Variants in ZC3H13 observed in about 807,000 individuals in gnomAD.
ZC3H13 encodes the protein zinc finger CCCH-type containing 13, also known as zinc finger CCCH domain-containing protein 13.
A neutral mutation model predicts 204.1 loss-of-function variants in ZC3H13; 64 were observed. That is an observed-to-expected ratio of 0.31 (90% CI 0.26 to 0.39). The LOEUF (loss-of-function observed/expected upper bound fraction) is 0.39. Among genes scored for constraint, ZC3H13 ranks in the 10% least tolerant of loss-of-function variants. ZC3H13 has a pLI of 1.00. For missense variants in ZC3H13, 1,833 were observed against 2,082.7 expected, an observed-to-expected ratio of 0.88 and a Z score of 2.33; for synonymous variants, 667 against 693.7, an observed-to-expected ratio of 0.96 and a Z score of 0.60.
At chr13:46,024,643 C>A (rs900697393) in intron 4 of ZC3H13, among the ~76,000 whole-genome samples, 6 of 151,874 alleles carry the variant, frequency 4.0e-5, no homozygotes, top group Non-Finnish European at 8.8e-5. Context: ...TCATGTACTG[C>A]ACATCTCGTA....
Position 45,989,004 on chromosome 13 carries a change from A to G in ZC3H13, c.1038T>C (p.Ser346=). The G allele has an allele frequency of 1.2e-6, 2 of 1,614,116 alleles. No homozygotes were observed. Among genetic ancestry groups the G allele is most frequent in the Non-Finnish European group, 1.7e-6 (2 of 1,180,008 alleles). The change falls in exon 9 of 19, where the codon TCT becomes TCC. Residue 346 remains serine, a synonymous_variant. Transcript: ENST00000679008. ...GAGTTCTTTTTCGACGAGGAGAAGG[A>G]GAATGTCTTTGAATAGATGATCCTG... The part of the protein sequence containing the change: ...SQSGSSIQRH[S]PSPRRKRTPS...
At chr13:46,029,458 T>G (rs989558648) in intron 4 of ZC3H13, among the ~76,000 whole-genome samples, 8 of 147,738 alleles carry the variant, frequency 5.4e-5, no homozygotes, top group African/African-American at 2.0e-4. Flanking sequence ...AGACGGAGTC[T>G]CGCTCTGTCG....
rs78847819 is a variant in ZC3H13, at chr13:46,025,599, G to A, written c.340-5042C>T. Among the ~76,000 whole-genome samples the A allele has an allele frequency of 7.2e-3, 1,099 of 152,226 alleles. 14 individuals carry two copies. Among genetic ancestry groups the A allele is most frequent in the African/African-American group, 0.025 (1,055 of 41,532 alleles). ...TACAGGGATTACAGGCGTGATCCAC[G>A]ATACCAGGTCTAACCTCTCATTTTA... On this transcript the variant is annotated intron_variant, in intron 4 of 18. Coordinates refer to ENST00000679008, the MANE Select transcript of ZC3H13 (RefSeq NM_001330564.2).
rs367721327 is a variant in ZC3H13 at position 46,045,017 on chromosome 13, G to A, written c.165C>T (p.Asn55=). Residue 55 remains asparagine, a synonymous_variant, in exon 3 of 19, where the codon AAC becomes AAT. Transcript: ENST00000679008. ...WLKTGNCLYG[N]TCRFVHGPSP... is the part of the protein sequence containing the mutation. ...AAGGGCCATGTACGAATCTACATGTGTTTCCATAGAGGCAGTTGCCAGTCT... is the reference window on the plus strand; with the variant it reads ...AAGGGCCATGTACGAATCTACATGTATTTCCATAGAGGCAGTTGCCAGTCT... 135 of 1,613,578 alleles carry A rather than the reference G, an allele frequency of 8.4e-5. No individual in the cohort carries two copies. Among genetic ancestry groups the A allele is most frequent in the East Asian group, 1.3e-4 (6 of 44,846 alleles).
rs750532192 is a variant in ZC3H13, at chr13:45,995,012, G to GAA, written c.945-5917_945-5916dup. ...TTCTTACGGTCATTTAACTATCAGT[G>GAA]AAAAAAAAAAAAAAAAACGCCACCA... is the stretch of plus-strand genomic sequence containing the variant. On this transcript the variant is annotated intron_variant, in intron 8 of 18. Transcript: ENST00000679008. 6.9e-4 allele frequency among the ~76,000 whole-genome samples: 32 copies of GAA among 46,316 alleles called. 1 individual carries two copies. The highest frequency in any genetic ancestry group is 2.9e-3 in the African/African-American group (25 of 8,700). The allele number at this position is 46,316 out of a possible 152,430, so 30.4% of individuals were successfully genotyped here. A position where few individuals can be genotyped will look rare whatever the true frequency, so the allele number is the denominator to read the frequency against.
At chr13:46,051,298 G>A (rs2044394300) in intron 1 of ZC3H13, among the ~76,000 whole-genome samples, 1 of 152,252 alleles carries the variant, frequency 6.6e-6, no homozygotes, top group Admixed American at 6.5e-5. Flanking sequence ...GCATACATTT[G>A]ATAAAACTGA....
intron 1 of ZC3H13, among the ~76,000 whole-genome samples, chr13:46,051,569 T>C (rs969503763): frequency 2.0e-5 from 3 of 152,202 alleles, no homozygotes; most frequent in Non-Finnish European, 2.9e-5. Flanking sequence ...CATATACCCA[T>C]AGACTGAACT....
At chr13:45,984,653 C>T (rs1386195967) in intron 10 of ZC3H13, among the ~76,000 whole-genome samples, 3 of 152,070 alleles carry the variant, frequency 2.0e-5, no homozygotes, top group Non-Finnish European at 4.4e-5. Context: ...GATTGACTAA[C>T]AGACCAATGG....
Position 45,985,755 on chromosome 13 carries a change from C to CTTG in ZC3H13, c.1261_1262insCAA (p.Thr420dup). The CTTG allele has an allele frequency of 6.3e-7, 1 of 1,596,406 alleles. No homozygotes were observed. Among genetic ancestry groups the CTTG allele is most frequent in the Non-Finnish European group, 8.5e-7 (1 of 1,174,222 alleles). ...GTCCTTTTCTCTGTCTCGTTTGCCCCTAGTATCTGTAATGCAATTTTGGAA... is the reference window on the plus strand; with the variant it reads ...GTCCTTTTCTCTGTCTCGTTTGCCCCTTGTAGTATCTGTAATGCAATTTTGGAA... On this transcript the variant is annotated inframe_insertion, in exon 10 of 19. Coordinates refer to ENST00000679008, the MANE Select transcript of ZC3H13 (RefSeq NM_001330564.2).
At chr13:45,999,289 A>G (rs2040571604) in intron 8 of ZC3H13, among the ~76,000 whole-genome samples, 1 of 152,142 alleles carries the variant, frequency 6.6e-6, no homozygotes, top group African/African-American at 2.4e-5. Context: ...GTGAGAAGAA[A>G]AACAAAAAAC....
intron 3 of ZC3H13, among the ~76,000 whole-genome samples, chr13:46,044,691 G>A (rs1012802326): frequency 1.3e-5 from 2 of 151,812 alleles, no homozygotes; most frequent in Non-Finnish European, 2.9e-5. Context: ...ATAATTAGGG[G>A]GGAAAAAGTA....
At chr13:46,040,862 C>A (rs2043530374) in intron 4 of ZC3H13, among the ~76,000 whole-genome samples, 1 of 151,994 alleles carries the variant, frequency 6.6e-6, no homozygotes, top group Admixed American at 6.6e-5. Context: ...ATCCAAAATG[C>A]AAATCAAAAC....
chr13:45,968,058 T>G, intron 14 of ZC3H13, 30 bp from the exon 15 acceptor site: 1 of 1,519,838 alleles, frequency 6.6e-7, no homozygotes, highest in Non-Finnish European at 8.8e-7. Flanking sequence ...TATAAAGAGT[T>G]ATTAGCACAT....
At chr13:45,992,549 T>C (rs1183863793) in intron 8 of ZC3H13, among the ~76,000 whole-genome samples, 1 of 152,214 alleles carries the variant, frequency 6.6e-6, no homozygotes, top group Non-Finnish European at 1.5e-5. Flanking sequence ...TTGTGGGAGT[T>C]ATTTATATCC....
intron 9 of ZC3H13, among the ~76,000 whole-genome samples, chr13:45,986,464 C>CA (rs992757001): frequency 1.3e-5 from 2 of 151,974 alleles, no homozygotes; most frequent in East Asian, 3.9e-4. Flanking sequence ...GCATTTCATA[C>CA]AAAAAAATAA....
At chr13:45,970,140 G>C (rs1470485267) in intron 13 of ZC3H13, among the ~76,000 whole-genome samples, 169 bp from the exon 14 acceptor site, 1 of 152,060 alleles carries the variant, frequency 6.6e-6, no homozygotes, top group Non-Finnish European at 1.5e-5. Flanking sequence ...CTTTTAAAAT[G>C]ACAATAATTT....
At chr13:45,982,982 T>C (rs1953789179) in intron 10 of ZC3H13, among the ~76,000 whole-genome samples, 1 of 152,078 alleles carries the variant, frequency 6.6e-6, no homozygotes, top group South Asian at 2.1e-4. Context: ...GATCAAACTA[T>C]AAGTAGAAAT....
intron 7 of ZC3H13, among the ~76,000 whole-genome samples, chr13:46,006,540 C>T (rs758496306): frequency 8.6e-5 from 13 of 150,724 alleles, no homozygotes; most frequent in Non-Finnish European, 1.6e-4. Context: ...TCAGAGTGTT[C>T]AGTCTGGTAC....
In ZC3H13 at chr13:46,017,908, A is replaced by G. The variant is rs1409294895; in HGVS notation, c.448+2541T>C. Among the ~76,000 whole-genome samples the G allele has an allele frequency of 2.0e-5, 3 of 152,202 alleles. No individual in the cohort carries two copies. The East Asian group carries it at 5.8e-4, about 29-fold the overall frequency. On this transcript the variant is annotated intron_variant, in intron 5 of 18. Transcript: ENST00000679008. ...AAAAACTGTGCGTTTCAATCAAGGA[A>G]AAGCATAAGAAATTCTTATTAAAGA...
Sources: gnomAD v4.1 joint callset for allele counts (sites outside exome capture counted in the v4.1 genomes callset) on GRCh38, gnomAD v4.1.1 for gene constraint, MANE v1.5 for transcripts, NCBI Gene and HGNC (gene_info 2026-07-23, HGNC 2026-07-21) for gene names.